RBFOX1: variants seen among roughly 807,000 people sequenced by gnomAD.
The protein encoded by RBFOX1 is RNA binding protein fox-1 homolog 1.
Under a neutral mutation model 57.7 loss-of-function variants are expected in RBFOX1, and 8 were observed. That is an observed-to-expected ratio of 0.14 (90% CI 0.08 to 0.25). The LOEUF is 0.25. Ranked by LOEUF, RBFOX1 falls within the 10% of genes least tolerant of loss-of-function variation. RBFOX1 has a pLI of 1.00. For synonymous variants in RBFOX1, 326 were observed against 222.4 expected, an observed-to-expected ratio of 1.47 and a Z score of -4.15; for missense variants, 611 against 548.5, an observed-to-expected ratio of 1.11 and a Z score of -1.14.
chr16:6,635,065 TTA>T (rs2098420861), intron 2 of RBFOX1, among the ~76,000 whole-genome samples: 2 of 118,340 alleles, frequency 1.7e-5, no homozygotes, highest in Non-Finnish European at 3.4e-5. Flanking sequence ...TAAATATATG[TTA>T]TATATTTTAA....
chr16:7,487,210 C>T (rs2065643792), intron 4 of RBFOX1, among the ~76,000 whole-genome samples: 1 of 152,162 alleles, frequency 6.6e-6, no homozygotes, highest in African/African-American at 2.4e-5. Context: ...CACTTTCAGG[C>T]ATTTGAACTT....
intron 3 of RBFOX1, among the ~76,000 whole-genome samples, chr16:5,635,805 GT>G (rs34939003): frequency 3.3e-5 from 5 of 151,724 alleles, no homozygotes; most frequent in Admixed American, 6.6e-5. Flanking sequence ...GTAGCACTGG[GT>G]TTTTTTTGGA....
intron 4 of RBFOX1, among the ~76,000 whole-genome samples, chr16:5,963,635 G>T (rs1331731882): frequency 6.6e-6 from 1 of 152,196 alleles, no homozygotes; most frequent in Non-Finnish European, 1.5e-5. Flanking sequence ...TTCAACAAGG[G>T]TGACAAGAAC....
intron 4 of RBFOX1, among the ~76,000 whole-genome samples, chr16:7,204,600 C>T (rs12924222): frequency 0.2 from 30,778 of 152,104 alleles, 3,724 homozygotes; most frequent in Non-Finnish European, 0.28. Flanking sequence ...GAGCTATGAT[C>T]GTGCCATTGG....
At chr16:5,774,018 T>C (rs1408198641) in intron 3 of RBFOX1, among the ~76,000 whole-genome samples, 2 of 152,202 alleles carry the variant, frequency 1.3e-5, no homozygotes, top group Non-Finnish European at 2.9e-5. Flanking sequence ...TAATCGATAC[T>C]GCCCATTTGC....
intron 1 of RBFOX1, among the ~76,000 whole-genome samples, chr16:6,270,431 T>C (rs2075068017): frequency 1.4e-5 from 2 of 146,770 alleles, no homozygotes; most frequent in African/African-American, 2.5e-5. Context: ...TAGGAGTAGC[T>C]ATATTATCAG....
chr16:5,810,950 G>A (rs2055402751), intron 3 of RBFOX1, among the ~76,000 whole-genome samples: 1 of 151,994 alleles, frequency 6.6e-6, no homozygotes, highest in African/African-American at 2.4e-5. Flanking sequence ...GCATATACTT[G>A]TGAAACCATC....
rs559131226 is a variant in RBFOX1, at chr16:7,686,870, C to G, written c.995+10032C>G. On this transcript the variant is annotated intron_variant, in intron 14 of 15. Transcript: ENST00000550418. ...GAGGAACTAAAATGACAAAAGGGAA[C>G]TGTTCAAGGTCTCCAAGTAATGGAG... Among the ~76,000 whole-genome samples, 110 of 152,172 alleles carry G rather than the reference C, an allele frequency of 7.2e-4. 1 individual carries two copies. The South Asian group carries it at 0.018, about 25-fold the overall frequency.
intron 2 of RBFOX1, among the ~76,000 whole-genome samples, chr16:6,573,060 A>G (rs1424916782): frequency 2.0e-5 from 3 of 152,122 alleles, no homozygotes; most frequent in Non-Finnish European, 4.4e-5. Flanking sequence ...CTCAGATAGG[A>G]TAGTATTTTA....
intron 4 of RBFOX1, among the ~76,000 whole-genome samples, chr16:7,386,777 G>A (rs1459547301): frequency 6.6e-6 from 1 of 152,078 alleles, no homozygotes; most frequent in East Asian, 1.9e-4. Context: ...GGTATTTCTA[G>A]TTCTATATCC....
chr16:7,123,966 A>C (rs959721286), intron 4 of RBFOX1, among the ~76,000 whole-genome samples: 1 of 152,192 alleles, frequency 6.6e-6, no homozygotes, highest in Admixed American at 6.5e-5. Context: ...ATCAGTGACT[A>C]TTCTTCTACA....
intron 2 of RBFOX1, among the ~76,000 whole-genome samples, chr16:5,536,899 T>TCTGGCTTGCTGGAAAATGGG (rs2044720582): frequency 6.6e-6 from 1 of 152,230 alleles, no homozygotes; most frequent in South Asian, 2.1e-4. Context: ...TCTGTGGGCA[T>TCTGGCTTGCTGGAAAATGGG]CTGGCTTGCT....
chr16:7,570,921 T>A (rs1488342585), intron 5 of RBFOX1, among the ~76,000 whole-genome samples: 1 of 152,206 alleles, frequency 6.6e-6, no homozygotes, highest in South Asian at 2.1e-4. Flanking sequence ...AAGAAGATTA[T>A]GTTCTTTGCA....
At chr16:6,602,751 T>C (rs902982991) in intron 2 of RBFOX1, among the ~76,000 whole-genome samples, 4 of 152,156 alleles carry the variant, frequency 2.6e-5, no homozygotes, top group Non-Finnish European at 5.9e-5. Context: ...CTTGCTGCTT[T>C]ATCCCTTCTG....
intron 2 of RBFOX1, among the ~76,000 whole-genome samples, chr16:6,612,863 A>AATAATAAT (rs1555612744): frequency 2.6e-4 from 34 of 132,240 alleles, no homozygotes; most frequent in African/African-American, 3.8e-4. Context: ...AAAAAAAAAA[A>AATAATAAT]AATAATAATA....
chr16:6,943,440 G>C (rs1419369302), intron 3 of RBFOX1, among the ~76,000 whole-genome samples: 1 of 152,148 alleles, frequency 6.6e-6, no homozygotes, highest in Non-Finnish European at 1.5e-5. Flanking sequence ...CGGGCGTGGT[G>C]GCTCACACCT....
intron 1 of RBFOX1, among the ~76,000 whole-genome samples, chr16:5,297,954 A>G (rs1482542204): frequency 6.6e-6 from 1 of 152,198 alleles, no homozygotes; most frequent in Non-Finnish European, 1.5e-5. Context: ...CATAGAAAGC[A>G]AGGTGTAGCC....
At chr16:5,811,870 A>G (rs538984504) in intron 3 of RBFOX1, among the ~76,000 whole-genome samples, 1 of 152,190 alleles carries the variant, frequency 6.6e-6, no homozygotes, top group African/African-American at 2.4e-5. Flanking sequence ...AGGCGTTACC[A>G]CAATTTAGCT....
At chr16:7,415,753 T>C (rs999641888) in intron 4 of RBFOX1, among the ~76,000 whole-genome samples, 1 of 150,814 alleles carries the variant, frequency 6.6e-6, no homozygotes, top group African/African-American at 2.5e-5. Context: ...GTTACGTTAA[T>C]TTTCCAGTGC....
Sources: gnomAD v4.1 joint callset for allele counts (sites outside exome capture counted in the v4.1 genomes callset) on GRCh38, gnomAD v4.1.1 for gene constraint, MANE v1.5 for transcripts, NCBI Gene and HGNC (gene_info 2026-07-23, HGNC 2026-07-21) for gene names.